Variants in TEX11 observed in about 807,000 individuals in gnomAD.
TEX11 encodes testis-expressed protein 11.
A neutral mutation model predicts 84.4 loss-of-function variants in TEX11; 7 were observed. That is an observed-to-expected ratio of 0.08 (90% CI 0.05 to 0.16). The LOEUF is 0.16. TEX11 is among the 10% of genes least tolerant of loss of function. The pLI, the probability that TEX11 is intolerant of heterozygous loss-of-function variation, is 1.00. For synonymous variants in TEX11, 264 were observed against 222.8 expected, an observed-to-expected ratio of 1.18 and a Z score of -1.64; for missense variants, 551 against 660.5, an observed-to-expected ratio of 0.83 and a Z score of 1.82.
chrX:70,782,934 T>A (rs1259891959), intron 9 of TEX11, among the ~76,000 whole-genome samples: 1 of 111,020 alleles, frequency 9.0e-6, no homozygotes, highest in African/African-American at 3.3e-5. Context: ...GACAGATGGT[T>A]AACAAGGATA....
chrX:70,594,055 A>G (rs1469492798), intron 24 of TEX11, among the ~76,000 whole-genome samples: 2 of 111,857 alleles, frequency 1.8e-5, no homozygotes, highest in African/African-American at 6.5e-5. Context: ...CAAGAAACAC[A>G]AAGATATCCA....
chrX:70,841,156 C>T (rs1318099336), intron 7 of TEX11, among the ~76,000 whole-genome samples: 4 of 111,023 alleles, frequency 3.6e-5, no homozygotes, highest in Non-Finnish European at 7.6e-5. Flanking sequence ...GAACTCTCCA[C>T]CCCAAATCAA....
intron 7 of TEX11, among the ~76,000 whole-genome samples, chrX:70,836,659 G>T (rs2091407077): frequency 9.0e-6 from 1 of 111,686 alleles, no homozygotes; most frequent in African/African-American, 3.2e-5. Context: ...TAAAAAAATT[G>T]GTCACAATAC....
intron 24 of TEX11, among the ~76,000 whole-genome samples, chrX:70,593,676 A>G (rs938967196): frequency 2.7e-4 from 30 of 112,230 alleles, no homozygotes; most frequent in African/African-American, 9.4e-4. Context: ...GAATCTCAAT[A>G]AAAGGATAAA....
chrX:70,692,063 T>C (rs1305689335), intron 13 of TEX11, among the ~76,000 whole-genome samples: 1 of 111,733 alleles, frequency 8.9e-6, no homozygotes, highest in African/African-American at 3.2e-5. Flanking sequence ...AAATATACCA[T>C]GAAACCATTA....
intron 7 of TEX11, among the ~76,000 whole-genome samples, chrX:70,851,956 G>A (rs1415559300): frequency 1.8e-5 from 2 of 111,413 alleles, no homozygotes; most frequent in Non-Finnish European, 3.8e-5. Flanking sequence ...ATAAATTCAC[G>A]GTTGCTAGAG....
At chrX:70,691,471 T>A (rs998221121) in intron 13 of TEX11, among the ~76,000 whole-genome samples, 12 of 111,967 alleles carry the variant, frequency 1.1e-4, no homozygotes, top group Non-Finnish European at 1.9e-4. Context: ...TACAATGGAA[T>A]ATTATTCAGC....
At chrX:70,722,478 T>C (rs1189369538) in intron 13 of TEX11, 140 bp downstream of exon 13, 4 of 441,700 alleles carry the variant, frequency 9.1e-6, no homozygotes, top group African/African-American at 2.5e-5. Context: ...TCTTGCTATA[T>C]TGCCAAGGTT....
intron 3 of TEX11, among the ~76,000 whole-genome samples, chrX:70,876,058 G>A (rs902464858): frequency 8.9e-6 from 1 of 112,261 alleles, no homozygotes; most frequent in Non-Finnish European, 1.9e-5. Flanking sequence ...GTGATGAAGC[G>A]AATATGGTAA....
chrX:70,598,270 A>G lies in TEX11; in HGVS notation c.2068-6447T>C, dbSNP rs965955899. 7.1e-5 allele frequency among the ~76,000 whole-genome samples: 8 copies of G among 112,619 alleles called. No individual in the cohort carries two copies. In the East Asian group the frequency reaches 1.1e-3, roughly 16 times the overall value. On this transcript the variant is annotated intron_variant, in intron 24 of 29. Coordinates refer to ENST00000374333, the MANE Select transcript of TEX11 (RefSeq NM_031276.3). ...CAATAAACACACGAAAAGATTCTCA[A>G]CATCATTAGTCATAATGGAAATGCA...
At chrX:70,712,630 A>T (rs1305444017) in intron 13 of TEX11, among the ~76,000 whole-genome samples, 1 of 111,362 alleles carries the variant, frequency 9.0e-6, no homozygotes, top group Non-Finnish European at 1.9e-5. Context: ...TGATTTTTGC[A>T]CATTGATTTT....
chrX:70,622,734 C>T (rs2089409488), intron 20 of TEX11, among the ~76,000 whole-genome samples: 2 of 111,518 alleles, frequency 1.8e-5, no homozygotes, highest in Non-Finnish European at 3.8e-5. Context: ...TCCTCATGTA[C>T]CTATCACACA....
chrX:70,849,300 A>G, intron 7 of TEX11, among the ~76,000 whole-genome samples: 1 of 112,082 alleles, frequency 8.9e-6, no homozygotes, highest in Admixed American at 9.5e-5. Context: ...CTCCACTCAC[A>G]CATAGCACTG....
At chrX:70,689,784 C>T (rs767321832) in intron 13 of TEX11, among the ~76,000 whole-genome samples, 1 of 111,762 alleles carries the variant, frequency 8.9e-6, no homozygotes, top group African/African-American at 3.2e-5. Context: ...ATAAGTATGC[C>T]TTTAAGCAGG....
In TEX11 at chrX:70,648,794, T is replaced by A. The variant is rs776475231; in HGVS notation, c.1483+2656A>T. 3.6e-5 allele frequency among the ~76,000 whole-genome samples: 4 copies of A among 111,297 alleles called. No individual in the cohort carries two copies. In the South Asian group the frequency reaches 1.5e-3, roughly 43 times the overall value. ...TAGGCATACGTGTGTCATGGTGGTT[T>A]GATGCACCTATCAACCCATCACCTA... On this transcript the variant is annotated intron_variant, in intron 17 of 29. Coordinates refer to ENST00000374333, the MANE Select transcript of TEX11 (RefSeq NM_031276.3).
intron 25 of TEX11, among the ~76,000 whole-genome samples, chrX:70,570,828 G>A (rs2088585482): frequency 9.0e-6 from 1 of 111,553 alleles, no homozygotes; most frequent in Non-Finnish European, 1.9e-5. Context: ...AAATTTATTG[G>A]CATAAAGTTG....
At chrX:70,667,086 T>C (rs2089982525) in intron 16 of TEX11, among the ~76,000 whole-genome samples, 2 of 112,484 alleles carry the variant, frequency 1.8e-5, no homozygotes, top group African/African-American at 6.5e-5. Context: ...TTTAAGTGCC[T>C]GAAATAAATC....
intron 4 of TEX11, among the ~76,000 whole-genome samples, chrX:70,865,327 T>A: frequency 9.0e-6 from 1 of 111,663 alleles, no homozygotes; most frequent in Non-Finnish European, 1.9e-5. Flanking sequence ...AGGGATCAAT[T>A]CAACAAGAAG....
intron 25 of TEX11, among the ~76,000 whole-genome samples, chrX:70,555,102 C>T (rs2088269218): frequency 8.9e-6 from 1 of 112,053 alleles, no homozygotes; most frequent in African/African-American, 3.2e-5. Flanking sequence ...GAAAACCCTG[C>T]TGCTATTATT....
Sources: gnomAD v4.1 joint callset for allele counts (sites outside exome capture counted in the v4.1 genomes callset) on GRCh38, gnomAD v4.1.1 for gene constraint, MANE v1.5 for transcripts, NCBI Gene and HGNC (gene_info 2026-07-23, HGNC 2026-07-21) for gene names.